The following TLR3 variants were observed in gnomAD, a reference collection of about 807,000 sequenced individuals.
The protein encoded by TLR3 is toll like receptor 3.
TLR3 carries 43 observed loss-of-function variants against 66.4 expected under a neutral mutation model. The ratio of observed to expected loss-of-function variants is 0.65; its 90% CI spans 0.51 to 0.83. The LOEUF (loss-of-function observed/expected upper bound fraction) is 0.83. Ranked by LOEUF, TLR3 falls within the 40% of genes least tolerant of loss-of-function variation. The pLI, the probability that TLR3 is intolerant of heterozygous loss-of-function variation, is 0.00. For missense variants in TLR3, 982 were observed against 1,044.6 expected, an observed-to-expected ratio of 0.94 and a Z score of 0.83; for synonymous variants, 397 against 397.2, an observed-to-expected ratio of 1.00 and a Z score of 0.01.
intron 3 of TLR3, among the ~76,000 whole-genome samples, chr4:186,081,281 A>AG (rs2099303410): frequency 6.6e-6 from 1 of 151,552 alleles, no homozygotes. Context: ...AAAAAAAAAA[A>AG]AAGAAAAAGA....
chr4:186,069,396 A>C (rs1272123313), intron 1 of TLR3, 148 bp downstream of exon 1: 1 of 152,352 alleles, frequency 6.6e-6, no homozygotes, highest in East Asian at 1.9e-4. Flanking sequence ...TCAGGAAGGA[A>C]AGTGGAAGAA....
chr4:186,083,631 T>C lies in TLR3; in HGVS notation c.1945T>C (p.Cys649Arg). The C allele has an allele frequency of 6.2e-7, 1 of 1,601,610 alleles. No homozygotes were observed. The highest frequency in any genetic ancestry group is 1.1e-5 in the South Asian group (1 of 88,462). ...AGATATGCGCTTTAATCCCTTTGAT[T>C]GCACGTGTGAAAGTATTGCCTGGTT... The part of the protein sequence containing the change: ...ELDMRFNPFD[C>R]TCESIAWFVN... Residue 649 changes from cysteine (C) to arginine (R), a missense_variant, in exon 4 of 5, where the codon TGC becomes CGC. Physicochemically the swap from Cys to Arg is radical, Grantham distance 180. Around this residue, in one of 3 missense-constraint regions of TLR3, gnomAD observed 666 missense variants for 709.0 expected, o/e 0.94. Transcript: ENST00000296795. The surrounding 1 kb of genome is among the most constrained non-coding windows in gnomAD (Gnocchi z 4.0).
intron 3 of TLR3, among the ~76,000 whole-genome samples, chr4:186,080,975 GCTTTATCAT>G (rs1388892670): frequency 4.6e-5 from 7 of 152,144 alleles, no homozygotes; most frequent in African/African-American, 1.7e-4. Context: ...AAGAAAGGGT[GCTTTATCAT>G]AAACAAATGA....
chr4:186,073,978 G>A (rs66624661), intron 1 of TLR3, among the ~76,000 whole-genome samples: 45,830 of 151,906 alleles, frequency 0.3, 7,335 homozygotes, highest in East Asian at 0.42. Flanking sequence ...ATCGTTAGTC[G>A]GCAGGGAAAT....
In TLR3 at chr4:186,082,834, A is replaced by T. The variant is rs754394157; in HGVS notation, c.1148A>T (p.Tyr383Phe). Residue 383 changes from tyrosine (Y) to phenylalanine (F), a missense_variant, in exon 4 of 5, where the codon TAC becomes TTC. Tyr to Phe is a conservative substitution (Grantham distance 22). Transcript: ENST00000296795. The part of the protein sequence containing the change: ...NMFTGLINLK[Y>F]LSLSNSFTSL... ...TTCACAGGATTGATAAACCTGAAAT[A>T]CTTAAGTCTATCCAACTCCTTTACA... is the stretch of plus-strand genomic sequence containing the variant. 8.1e-6 allele frequency: 13 copies of T among 1,613,914 alleles called. No homozygotes were observed. The Admixed American group carries it at 1.0e-4, about 12-fold the overall frequency.
intron 4 of TLR3, 106 bp from the exon 5 acceptor site, chr4:186,084,539 A>AC (rs962441502): frequency 1.8e-5 from 14 of 776,978 alleles, no homozygotes; most frequent in African/African-American, 8.9e-5. Context: ...GAAAAAAAAA[A>AC]CCTGAGTTTC....
chr4:186,069,844 G>T (rs551458109), intron 1 of TLR3, among the ~76,000 whole-genome samples: 38 of 152,306 alleles, frequency 2.5e-4, no homozygotes, highest in African/African-American at 9.1e-4. Flanking sequence ...GCAATTGTGG[G>T]GTACTCGGGT....
chr4:186,085,292 A>C lies in TLR3; in HGVS notation c.*419A>C, dbSNP rs190909893. The C allele has an allele frequency of 4.1e-4, 69 of 169,288 alleles. No homozygotes were observed. Among genetic ancestry groups the C allele is most frequent in the African/African-American group, 1.5e-3 (64 of 41,766 alleles). The allele number at this position is 169,288 out of a possible 1,614,324, so 10.5% of individuals were successfully genotyped here. On this transcript the variant is annotated 3_prime_UTR_variant, in exon 5 of 5. Transcript: ENST00000296795. ...AATGCTATTTCCTTTGTAAAAGAGTAAAATATATACCCATATTTTTAACAA... is the reference window on the plus strand; with the variant it reads ...AATGCTATTTCCTTTGTAAAAGAGTCAAATATATACCCATATTTTTAACAA...
rs775278613 is a variant in TLR3 at position 186,082,530 on chromosome 4, T to C, written c.844T>C (p.Ser282Pro). Residue 282 changes from serine (S) to proline (P), a missense_variant, in exon 4 of 5, where the codon TCC (serine) becomes CCC (proline). By Grantham distance (74) the Ser-to-Pro change is moderately conservative. Coordinates refer to ENST00000296795, the MANE Select transcript of TLR3 (RefSeq NM_003265.3). ...KWTNLTMLDLSYNNLNVVGND... is the reference protein window; with the variant it reads ...KWTNLTMLDLPYNNLNVVGND... ...GACAAATCTCACTATGCTCGATCTT[T>C]CCTACAACAACTTAAATGTGGTTGG... 1.2e-6 allele frequency: 2 copies of C among 1,614,206 alleles called. No individual in the cohort carries two copies. Among genetic ancestry groups the C allele is most frequent in the East Asian group, 2.2e-5 (1 of 44,878 alleles).
chr4:186,084,229 T>C lies in TLR3; in HGVS notation c.2486+57T>C, dbSNP rs537651495. 448 of 1,567,122 alleles carry C rather than the reference T, an allele frequency of 2.9e-4. 3 individuals carry two copies. In the African/African-American group the frequency reaches 5.5e-3, roughly 19 times the overall value. ...ACTTGCTTTTCAATTAAATTTCTTT[T>C]TTTTTTTTTGAGATGGAGTCCTGCT... On this transcript the variant is annotated intron_variant, in intron 4 of 4. Transcript: ENST00000296795.
chr4:186,085,740 T>C lies in TLR3; in HGVS notation c.*867T>C, dbSNP rs1008483258. 6.6e-6 allele frequency: 1 copy of C among 152,258 alleles called. No individual in the cohort carries two copies. Among genetic ancestry groups the C allele is most frequent in the Non-Finnish European group, 1.5e-5 (1 of 68,048 alleles). 9.4% of individuals were successfully genotyped at this position (152,258 alleles called of 1,614,324 possible). A position where few individuals can be genotyped will look rare whatever the true frequency, so the allele number is the denominator to read the frequency against. ...ATCTTAGATATTCCTATGTAATTAGTGATGATGATCGCTGTATAATATATT... is the reference window on the plus strand; with the variant it reads ...ATCTTAGATATTCCTATGTAATTAGCGATGATGATCGCTGTATAATATATT... On this transcript the variant is annotated 3_prime_UTR_variant, in exon 5 of 5. Transcript: ENST00000296795.
At chr4:186,070,332 T>A (rs1315993734) in intron 1 of TLR3, among the ~76,000 whole-genome samples, 1 of 152,214 alleles carries the variant, frequency 6.6e-6, no homozygotes, top group African/African-American at 2.4e-5. Flanking sequence ...ATTTAGTTAT[T>A]CAGATGGATG....
At chr4:186,081,626 C>T (rs1350364481) in intron 3 of TLR3, 1 of 152,266 alleles carries the variant, frequency 6.6e-6, no homozygotes, top group Non-Finnish European at 1.5e-5. Flanking sequence ...CAAGACACAA[C>T]CAGGAACTGC....
intron 1 of TLR3, 78 bp downstream of exon 1, chr4:186,069,326 G>A (rs1265652589): frequency 1.3e-5 from 2 of 152,200 alleles, no homozygotes; most frequent in Non-Finnish European, 2.9e-5. Context: ...CAGAATGCAT[G>A]TGGTTTTAGC....
chr4:186,081,213 G>A (rs990594163), intron 3 of TLR3, among the ~76,000 whole-genome samples: 5 of 151,484 alleles, frequency 3.3e-5, no homozygotes, highest in African/African-American at 1.2e-4. Context: ...GGGTTGCAGG[G>A]AGCTGAGATC....
chr4:186,083,236 A>G lies in TLR3; in HGVS notation c.1550A>G (p.Asn517Ser). 6.2e-7 allele frequency: 1 copy of G among 1,614,186 alleles called. No homozygotes were observed. Among genetic ancestry groups the G allele is most frequent in the Non-Finnish European group, 8.5e-7 (1 of 1,180,028 alleles). The stretch of plus-strand genomic sequence containing the variant: ...ACCATTCTGGATCTAAGCAACAACA[A>G]CATAGCCAACATAAATGATGACATG... ...NLTILDLSNN[N>S]IANINDDMLE... Residue 517 changes from asparagine to serine, a missense_variant, in exon 4 of 5, where the codon AAC (asparagine) becomes AGC (serine). Coordinates refer to ENST00000296795, the MANE Select transcript of TLR3 (RefSeq NM_003265.3). This position sits in a 1 kb window ranked among gnomAD's most constrained non-coding sequence, Gnocchi z 4.0.
chr4:186,084,960 A>T lies in TLR3; in HGVS notation c.*87A>T. The T allele has an allele frequency of 2.8e-6, 3 of 1,053,926 alleles. No homozygotes were observed. The highest frequency in any genetic ancestry group is 4.3e-6 in the Non-Finnish European group (3 of 705,674). The allele number at this position is 1,053,926 out of a possible 1,614,324, so 65.3% of individuals were successfully genotyped here. On this transcript the variant is annotated 3_prime_UTR_variant, in exon 5 of 5. Coordinates refer to ENST00000296795, the MANE Select transcript of TLR3 (RefSeq NM_003265.3). ...AATTTAAGTTTTCCATAAAGGTGTT[A>T]TAATTTGTTTATTCATATTTGTAAA...
At chr4:186,077,838 A>T (rs1366292468) in intron 2 of TLR3, among the ~76,000 whole-genome samples, 1 of 152,102 alleles carries the variant, frequency 6.6e-6, no homozygotes, top group African/African-American at 2.4e-5. Flanking sequence ...ACCAGAAAAA[A>T]AAAAACGCAT....
At position 186,083,861 on chromosome 4, in the gene TLR3, T is replaced by C. The variant is rs2150068141; in HGVS notation, c.2175T>C (p.Phe725=). Residue 725 remains phenylalanine (F), a synonymous_variant, in exon 4 of 5, where the codon TTT becomes TTC. Transcript: ENST00000296795. The surrounding 1 kb of genome is among the most constrained non-coding windows in gnomAD (Gnocchi z 4.0). ...TCTTTATTGTACTTCTCATCCACTT[T>C]GAGGGCTGGAGGATATCTTTTTATT... ...IFIFIVLLIH[F]EGWRISFYWN... is the part of the protein sequence containing the mutation. 6.2e-7 allele frequency: 1 copy of C among 1,614,218 alleles called. No homozygotes were observed. The highest frequency in any genetic ancestry group is 8.5e-7 in the Non-Finnish European group (1 of 1,180,038).
Sources: gnomAD v4.1 joint callset for allele counts (sites outside exome capture counted in the v4.1 genomes callset) on GRCh38, gnomAD v4.1.1 for gene constraint, gnomAD v4.1.1 regional missense constraint, Gnocchi (gnomAD v3.1) non-coding constraint, MANE v1.5 for transcripts, NCBI Gene and HGNC (gene_info 2026-07-23, HGNC 2026-07-21) for gene names.